The following SSBP3 variants were observed in gnomAD, a reference collection of about 807,000 sequenced individuals.
The protein encoded by SSBP3 is single-stranded DNA-binding protein 3.
In SSBP3, 5 loss-of-function variants were observed where a neutral mutation model predicts 69.6. The observed-to-expected ratio is 0.07, with a 90% CI of 0.04 to 0.15. SSBP3 has a LOEUF of 0.15. SSBP3 is among the 10% of genes least tolerant of loss of function. SSBP3 has a pLI of 1.00. For synonymous variants in SSBP3, 196 were observed against 193.4 expected, an observed-to-expected ratio of 1.01 and a Z score of -0.11; for missense variants, 312 against 534.0, an observed-to-expected ratio of 0.58 and a Z score of 4.10.
rs201860772 is a variant in SSBP3 at position 54,316,661 on chromosome 1, A to AAAAT, written c.277-35138_277-35135dup. 3.8e-4 allele frequency among the ~76,000 whole-genome samples: 23 copies of AAAAT among 61,024 alleles called. 2 individuals are homozygous for AAAAT. Among genetic ancestry groups the AAAAT allele is most frequent in the East Asian group, 8.5e-4 (1 of 1,178 alleles). 40.0% of individuals were successfully genotyped at this position (61,024 alleles called of 152,430 possible). The stretch of plus-strand genomic sequence containing the variant: ...AGACTCCGTCTCAAAAAAAAAAAAT[A>AAAAT]AAATAAATAAATAAATAAATAAATA... On this transcript the variant is annotated intron_variant, in intron 4 of 17. Coordinates refer to ENST00000610401, the Ensembl canonical transcript of SSBP3.
Position 54,248,003 on chromosome 1 carries a change from C to T in SSBP3, c.651+3613G>A, listed in dbSNP as rs1174280447. 3.3e-5 allele frequency among the ~76,000 whole-genome samples: 5 copies of T among 152,356 alleles called. No individual in the cohort carries two copies. The East Asian group carries it at 9.6e-4, about 29-fold the overall frequency. ...AAAGGACAGGGTGATACCTGCGTTG[C>T]TGGTTCCTGTGAGACATTTAGGCTG... is the stretch of plus-strand genomic sequence containing the variant. On this transcript the variant is annotated intron_variant, in intron 9 of 17. Coordinates refer to ENST00000610401, the Ensembl canonical transcript of SSBP3.
intron 13 of SSBP3, among the ~76,000 whole-genome samples, chr1:54,240,123 A>AGCGCG (rs1557449311): frequency 1.5e-3 from 16 of 10,462 alleles, no homozygotes; most frequent in African/African-American, 2.1e-3. Flanking sequence ...CGCGCGCGCA[A>AGCGCG]CACATGCCCA....
intron 4 of SSBP3, among the ~76,000 whole-genome samples, chr1:54,370,917 G>T (rs907584228): frequency 6.6e-6 from 1 of 151,826 alleles, no homozygotes. Context: ...AGTGTCTTTG[G>T]TGTTCTTCCT....
chr1:54,308,008 G>A (rs908315797), intron 4 of SSBP3, among the ~76,000 whole-genome samples: 1 of 152,042 alleles, frequency 6.6e-6, no homozygotes, highest in Non-Finnish European at 1.5e-5. Flanking sequence ...ATTCTTTCTT[G>A]TGCGAGATCC....
intron 5 of SSBP3, among the ~76,000 whole-genome samples, chr1:54,266,079 A>C (rs1645096853): frequency 6.6e-6 from 1 of 152,182 alleles, no homozygotes; most frequent in Non-Finnish European, 1.5e-5. Flanking sequence ...CCAAAACCTA[A>C]CGCATAGCTC....
rs1487324436 is a variant in SSBP3, at chr1:54,320,443, G to A, written c.277-38916C>T. ...AGCAATTCTCCTCCCTCAGCCTCCCGAGTAGATGGGACTACAGGTGCCCGC... is the reference window on the plus strand; with the variant it reads ...AGCAATTCTCCTCCCTCAGCCTCCCAAGTAGATGGGACTACAGGTGCCCGC... On this transcript the variant is annotated intron_variant, in intron 4 of 17. Transcript: ENST00000610401. Among the ~76,000 whole-genome samples, 7 of 152,044 alleles carry A rather than the reference G, an allele frequency of 4.6e-5. No homozygotes were observed. The South Asian group carries it at 8.3e-4, about 18-fold the overall frequency.
intron 4 of SSBP3, among the ~76,000 whole-genome samples, chr1:54,367,346 G>A (rs1421409156): frequency 1.3e-5 from 2 of 152,138 alleles, no homozygotes; most frequent in African/African-American, 2.4e-5. Context: ...ACCTTCTTGC[G>A]AACAAGGTCC....
intron 13 of SSBP3, among the ~76,000 whole-genome samples, chr1:54,240,103 T>TGTGC (rs1644596095): frequency 4.5e-5 from 1 of 22,158 alleles, no homozygotes; most frequent in Non-Finnish European, 2.3e-4. Context: ...CGCGCGCGTG[T>TGTGC]GCGTGCGCGC....
At chr1:54,310,231 C>T (rs750513317) in intron 4 of SSBP3, among the ~76,000 whole-genome samples, 39 of 152,178 alleles carry the variant, frequency 2.6e-4, no homozygotes, top group Admixed American at 1.8e-3. Flanking sequence ...CCTCAACACC[C>T]TCTCTGGGAT....
At chr1:54,303,082 T>C (rs1344789075) in intron 4 of SSBP3, among the ~76,000 whole-genome samples, 1 of 152,220 alleles carries the variant, frequency 6.6e-6, no homozygotes, top group African/African-American at 2.4e-5. Flanking sequence ...AAGTACACGC[T>C]GTACAACACA....
chr1:54,325,061 G>A (rs911832266), intron 4 of SSBP3, among the ~76,000 whole-genome samples: 4 of 152,182 alleles, frequency 2.6e-5, no homozygotes, highest in East Asian at 3.9e-4. Flanking sequence ...GGAGAATGGG[G>A]TCTAAGAATA....
In SSBP3 at chr1:54,411,943, A is replaced by AGAG. The variant is rs1650005510; in HGVS notation, c.-275+1410_-275+1412dup. Among the ~76,000 whole-genome samples, 10 of 148,934 alleles carry AGAG rather than the reference A, an allele frequency of 6.7e-5. 1 individual carries two copies. The South Asian group carries it at 2.2e-3, about 32-fold the overall frequency. ...CAAGGCCCTATCCTGGTAGCTGGGG[A>AGAG]GAGGAACCTGACACCCACCACTCCC... On this transcript the variant is annotated intron_variant, in intron 1 of 8. Transcript: ENST00000525990.
chr1:54,249,393 T>G (rs1644787531), intron 9 of SSBP3, among the ~76,000 whole-genome samples: 1 of 152,200 alleles, frequency 6.6e-6, no homozygotes, highest in African/African-American at 2.4e-5. Flanking sequence ...GTGGCCAGCA[T>G]CACATTGAGA....
rs569033937 is a variant in SSBP3, at chr1:54,250,922, G to A, written c.651+694C>T. Reference sequence around the variant, plus strand: ...AGCAGAGCTGGCCACGAGGGGCAACGACTTTGTTGTGACCGTAAGAGGTAT... The same window carrying A: ...AGCAGAGCTGGCCACGAGGGGCAACAACTTTGTTGTGACCGTAAGAGGTAT... On this transcript the variant is annotated intron_variant, in intron 9 of 17. Transcript: ENST00000610401. Among the ~76,000 whole-genome samples, 45 of 152,290 alleles carry A rather than the reference G, an allele frequency of 3.0e-4. 1 individual carries two copies. The South Asian group carries it at 8.5e-3, about 29-fold the overall frequency.
intron 4 of SSBP3, among the ~76,000 whole-genome samples, chr1:54,305,633 AAGAGAG>A (rs1253620384): frequency 6.7e-6 from 1 of 148,832 alleles, no homozygotes; most frequent in African/African-American, 2.5e-5. Context: ...AAAAAAAAAA[AAGAGAG>A]AGAGAGAGAG....
At chr1:54,391,109 C>A (rs1192025904) in intron 4 of SSBP3, among the ~76,000 whole-genome samples, 1 of 152,206 alleles carries the variant, frequency 6.6e-6, no homozygotes, top group African/African-American at 2.4e-5. Flanking sequence ...CAGTGGTGGC[C>A]CCAGGCTTGC....
At chr1:54,240,101 TGTGCGTGCGCGCGCGCGCGCAAC>T (rs1397209150) in intron 13 of SSBP3, among the ~76,000 whole-genome samples, 5 of 7,158 alleles carry the variant, frequency 7.0e-4, no homozygotes, top group South Asian at 0.013. Flanking sequence ...CGCGCGCGCG[TGTGCGTGCGCGCGCGCGCGCAAC>T]ACATGCCCAC....
At position 54,310,965 on chromosome 1, in the gene SSBP3, G is replaced by A. The variant is rs796404401; in HGVS notation, c.277-29438C>T. Among the ~76,000 whole-genome samples, 6 of 152,292 alleles carry A rather than the reference G, an allele frequency of 3.9e-5. 1 individual carries two copies. The East Asian group carries it at 7.7e-4, about 20-fold the overall frequency. On this transcript the variant is annotated intron_variant, in intron 4 of 17. Transcript: ENST00000610401. ...GGGGCTGACATCACCTGGAAGGACCGCAGGTCCCCACCCACAATCTCTCTA... is the reference window on the plus strand; with the variant it reads ...GGGGCTGACATCACCTGGAAGGACCACAGGTCCCCACCCACAATCTCTCTA...
chr1:54,240,958 C>A, exon 13 of SSBP3: 1 of 1,608,510 alleles, frequency 6.2e-7, no homozygotes, highest in South Asian at 1.1e-5. Context: ...ACCAGGGGGT[C>A]CCTAAAGATG....
Sources: allele counts gnomAD v4.1 joint callset (sites outside exome capture counted in the v4.1 genomes callset), GRCh38; gene constraint gnomAD v4.1.1; transcripts MANE v1.5; gene names NCBI Gene and HGNC (gene_info 2026-07-23, HGNC 2026-07-21).